The following SSPN variants were observed in gnomAD, a reference collection of about 807,000 sequenced individuals.
SSPN encodes the protein K-ras oncogene-associated protein.
Under a neutral mutation model 19.1 loss-of-function variants are expected in SSPN, and 15 were observed. The ratio of observed to expected loss-of-function variants is 0.78; its 90% CI spans 0.52 to 1.21. The LOEUF is 1.21. Ranked by LOEUF, SSPN falls within the 50% of genes most tolerant of loss-of-function variation. The pLI, the probability that SSPN is intolerant of heterozygous loss-of-function variation, is 0.00. For missense variants in SSPN, 291 were observed against 314.0 expected, an observed-to-expected ratio of 0.93 and a Z score of 0.55; for synonymous variants, 147 against 140.3, an observed-to-expected ratio of 1.05 and a Z score of -0.34.
chr12:26,135,272 G>T (rs1244755300), intron 1 of SSPN, among the ~76,000 whole-genome samples: 1 of 152,114 alleles, frequency 6.6e-6, no homozygotes, highest in East Asian at 1.9e-4. Flanking sequence ...ACAGGAGGGG[G>T]TCCTGGGGCA....
chr12:26,229,630 A>C (rs1396133291), intron 2 of SSPN, among the ~76,000 whole-genome samples: 1 of 152,192 alleles, frequency 6.6e-6, no homozygotes, highest in African/African-American at 2.4e-5. Flanking sequence ...ACTGGAACTA[A>C]TATTACTTTG....
intron 1 of SSPN, among the ~76,000 whole-genome samples, chr12:26,217,091 G>T (rs1397776263): frequency 1.3e-4 from 19 of 147,438 alleles, no homozygotes; most frequent in South Asian, 9.4e-4. Flanking sequence ...CTTTAAAGTA[G>T]TTTTTTCCAA....
intron 1 of SSPN, chr12:26,126,216 G>A (rs531286923): frequency 6.6e-6 from 1 of 152,466 alleles, no homozygotes; most frequent in Non-Finnish European, 1.5e-5. Context: ...CTCACTGCTA[G>A]TGAGAGTTAC....
chr12:26,140,276 A>G (rs565044678), intron 1 of SSPN, among the ~76,000 whole-genome samples: 9 of 152,330 alleles, frequency 5.9e-5, no homozygotes, highest in African/African-American at 2.2e-4. Flanking sequence ...ATTCTCAGTC[A>G]ATGACACTAC....
chr12:26,163,417 C>A (rs1449029671), intron 1 of SSPN, among the ~76,000 whole-genome samples: 1 of 152,134 alleles, frequency 6.6e-6, no homozygotes, highest in African/African-American at 2.4e-5. Context: ...TCTGTTTGTG[C>A]TGCTCTAACA....
At chr12:26,197,385 T>C (rs2137458805) in intron 1 of SSPN, among the ~76,000 whole-genome samples, 1 of 152,322 alleles carries the variant, frequency 6.6e-6, no homozygotes, top group Non-Finnish European at 1.5e-5. Context: ...ATTTTAAAAA[T>C]AGCTTTTCAG....
upstream of SSPN, chr12:26,195,467 G>C (rs1242252701): frequency 4.4e-6 from 4 of 909,234 alleles, no homozygotes; most frequent in Non-Finnish European, 5.8e-6. Flanking sequence ...CCGGCGCGTT[G>C]GCAGTTGGCG....
At chr12:26,197,910 G>A (rs1944844128) in intron 1 of SSPN, among the ~76,000 whole-genome samples, 2 of 152,202 alleles carry the variant, frequency 1.3e-5, no homozygotes, top group Non-Finnish European at 2.9e-5. Context: ...GACTAGTGAG[G>A]AGGGTCTCTG....
At chr12:26,208,024 G>T (rs945769675) in intron 1 of SSPN, among the ~76,000 whole-genome samples, 6 of 151,120 alleles carry the variant, frequency 4.0e-5, no homozygotes, top group South Asian at 2.1e-4. Flanking sequence ...GTGGTGGGGG[G>T]GGGGGATATA....
intron 1 of SSPN, among the ~76,000 whole-genome samples, chr12:26,220,046 G>C (rs7955562): frequency 6.6e-5 from 10 of 151,940 alleles, no homozygotes; most frequent in African/African-American, 1.2e-4. Flanking sequence ...CCAGAATGCC[G>C]TGTCTTCCTG....
At chr12:26,206,148 A>G (rs908378229) in intron 1 of SSPN, among the ~76,000 whole-genome samples, 1 of 152,150 alleles carries the variant, frequency 6.6e-6, no homozygotes, top group African/African-American at 2.4e-5. Context: ...CACACACATC[A>G]CAAAAAGCTC....
chr12:26,231,297 G>A lies in SSPN; in HGVS notation c.*221G>A. The A allele has an allele frequency of 1.5e-6, 1 of 654,056 alleles. No individual in the cohort carries two copies. The highest frequency in any genetic ancestry group is 2.7e-5 in the South Asian group (1 of 37,206). 40.5% of individuals were successfully genotyped at this position (654,056 alleles called of 1,614,324 possible). A position where few individuals can be genotyped will look rare whatever the true frequency, so the allele number is the denominator to read the frequency against. ...AGAAAGCAAGATCCAAATTGATTTT[G>A]GGATATTAAAAGTTAACAGAACACT... is the stretch of plus-strand genomic sequence containing the variant. On this transcript the variant is annotated 3_prime_UTR_variant, in exon 3 of 3. Coordinates refer to ENST00000242729, the MANE Select transcript of SSPN (RefSeq NM_005086.5).
chr12:26,224,432 T>A, intron 2 of SSPN, 53 bp downstream of exon 2: 1 of 1,475,262 alleles, frequency 6.8e-7, no homozygotes, highest in Non-Finnish European at 9.5e-7. Context: ...GAAATCCAAG[T>A]ACAAAATAAA....
In SSPN at chr12:26,170,137, C is replaced by T. The variant is rs1294353299; in HGVS notation, c.-31+47985C>T. Among the ~76,000 whole-genome samples the T allele has an allele frequency of 2.0e-5, 3 of 152,178 alleles. No individual in the cohort carries two copies. The East Asian group carries it at 5.8e-4, about 29-fold the overall frequency. ...TATAACCCAGTGGACTCCCTGCATT[C>T]CCCCAATTCTCAACAATTACGGGGA... On this transcript the variant is annotated intron_variant, in intron 1 of 2. Coordinates refer to the SSPN transcript ENST00000538142.
chr12:26,197,442 C>G (rs991754337), intron 1 of SSPN, among the ~76,000 whole-genome samples: 2 of 151,948 alleles, frequency 1.3e-5, no homozygotes, highest in African/African-American at 4.8e-5. Flanking sequence ...ATCCACATAC[C>G]CAGGGGGAAA....
At chr12:26,187,957 G>C (rs1486957458) in intron 1 of SSPN, among the ~76,000 whole-genome samples, 2 of 152,184 alleles carry the variant, frequency 1.3e-5, no homozygotes, top group African/African-American at 4.8e-5. Flanking sequence ...GAAAGATAAT[G>C]CATGGGAAGG....
chr12:26,123,785 A>G (rs1305646362), intron 1 of SSPN: 1 of 1,329,258 alleles, frequency 7.5e-7, no homozygotes, highest in African/African-American at 1.4e-5. Flanking sequence ...TTACTTAAAA[A>G]CACACATTTG....
At chr12:26,197,623 G>A (rs1356409908) in intron 1 of SSPN, among the ~76,000 whole-genome samples, 2 of 152,130 alleles carry the variant, frequency 1.3e-5, no homozygotes, top group African/African-American at 4.8e-5. Context: ...TTATTTTAGG[G>A]TTTAAGGCAT....
intron 1 of SSPN, among the ~76,000 whole-genome samples, chr12:26,137,637 T>TAC: frequency 1.5e-4 from 1 of 6,768 alleles, no homozygotes; most frequent in African/African-American, 2.4e-4. Context: ...TGTGTGTATG[T>TAC]ATATATATAT....
Sources: allele counts gnomAD v4.1 joint callset (sites outside exome capture counted in the v4.1 genomes callset), GRCh38; gene constraint gnomAD v4.1.1; transcripts MANE v1.5; gene names NCBI Gene and HGNC (gene_info 2026-07-23, HGNC 2026-07-21).